The following NFATC1 variants were observed in gnomAD, a reference collection of about 807,000 sequenced individuals.
NFATC1 encodes nuclear factor of activated T cells 1.
Under a neutral mutation model 76.0 loss-of-function variants are expected in NFATC1, and 22 were observed. The observed-to-expected ratio is 0.29, with a 90% CI of 0.21 to 0.41. The LOEUF (loss-of-function observed/expected upper bound fraction) is 0.41, where lower values mean the gene tolerates loss of function less well. NFATC1 is among the 10% of genes least tolerant of loss of function. The pLI, the probability that NFATC1 is intolerant of heterozygous loss-of-function variation, is 1.00. For missense variants in NFATC1, 1,357 were observed against 1,337.7 expected (o/e 1.01, Z -0.23); for synonymous variants, 704 against 613.1 (o/e 1.15, Z -2.19).
chr18:79,473,037 C>T (rs905780377), intron 8 of NFATC1, among the ~76,000 whole-genome samples: 10 of 152,254 alleles, frequency 6.6e-5, no homozygotes, highest in Admixed American at 3.9e-4. Context: ...GGGGTCAAGC[C>T]GGGACCCCTA....
intron 9 of NFATC1, among the ~76,000 whole-genome samples, chr18:79,490,868 T>C (rs1002075927): frequency 2.6e-5 from 4 of 152,054 alleles, no homozygotes; most frequent in African/African-American, 9.7e-5. Flanking sequence ...CACCCCAGGC[T>C]CACAAACGCC....
At chr18:79,482,289 TC>T in intron 8 of NFATC1, among the ~76,000 whole-genome samples, 3 of 128,602 alleles carry the variant, frequency 2.3e-5, no homozygotes, top group African/African-American at 6.8e-5. Flanking sequence ...GTGACCTGGT[TC>T]CTGGGGTGTA....
chr18:79,491,754 G>T (rs895265927), intron 9 of NFATC1, among the ~76,000 whole-genome samples: 2 of 152,228 alleles, frequency 1.3e-5, no homozygotes, highest in African/African-American at 4.8e-5. Context: ...ACCAAGCAGT[G>T]GTGGATCGCA....
In NFATC1 at chr18:79,479,620, C is replaced by G. The variant is rs138122853; in HGVS notation, c.2093-6628C>G. ...GCTTGTGAAGGTGAGTTTGCACTTT[C>G]CAGCTTCTCTCTGTATTGGGAAGGC... On this transcript the variant is annotated intron_variant, in intron 8 of 9. Transcript: ENST00000427363. Among the ~76,000 whole-genome samples the G allele has an allele frequency of 4.5e-4, 69 of 152,372 alleles. 1 individual carries two copies. The East Asian group carries it at 0.013, about 28-fold the overall frequency.
chr18:79,471,669 C>T (rs1008686837), intron 8 of NFATC1, among the ~76,000 whole-genome samples: 2 of 152,194 alleles, frequency 1.3e-5, no homozygotes, highest in East Asian at 1.9e-4. Context: ...CCAGAGCCCC[C>T]TTCCTCAGGG....
chr18:79,499,168 A>G lies in NFATC1; in HGVS notation c.2782+12231A>G, dbSNP rs138819955. 3.2e-3 allele frequency among the ~76,000 whole-genome samples: 491 copies of G among 152,378 alleles called. 2 individuals are homozygous for G. Among genetic ancestry groups the G allele is most frequent in the Non-Finnish European group, 5.0e-3 (341 of 68,034 alleles). On this transcript the variant is annotated intron_variant, in intron 9 of 9. Transcript: ENST00000427363. ...CGATTGCAAACCTGTGCTGATAACA[A>G]TGTGCTTATAACAATTTGTGTGACA...
At chr18:79,406,861 C>A (rs919356398) in intron 1 of NFATC1, among the ~76,000 whole-genome samples, 3 of 151,968 alleles carry the variant, frequency 2.0e-5, no homozygotes, top group Non-Finnish European at 4.4e-5. Flanking sequence ...GCCACGGCTC[C>A]GCGGGTCTTC....
intron 1 of NFATC1, among the ~76,000 whole-genome samples, chr18:79,404,397 G>C (rs764831344): frequency 2.0e-5 from 3 of 152,260 alleles, no homozygotes; most frequent in Non-Finnish European, 4.4e-5. Context: ...GCCTGACCAC[G>C]TCCCGGTGCC....
At chr18:79,469,846 T>C (rs1022463542) in intron 8 of NFATC1, 1 of 985,340 alleles carries the variant, frequency 1.0e-6, no homozygotes, top group Non-Finnish European at 1.2e-6. Context: ...CCCGGCTCCC[T>C]GTCACCCCAC....
intron 3 of NFATC1, among the ~76,000 whole-genome samples, chr18:79,444,356 G>A (rs1015300047): frequency 8.5e-5 from 13 of 152,178 alleles, no homozygotes; most frequent in Non-Finnish European, 1.5e-4. Flanking sequence ...CGTTCCTCCC[G>A]TTCCTTCTCT....
At chr18:79,439,113 C>T (rs1206017879) in intron 3 of NFATC1, among the ~76,000 whole-genome samples, 3 of 152,158 alleles carry the variant, frequency 2.0e-5, no homozygotes, top group Admixed American at 6.5e-5. Flanking sequence ...CCGTGAATAC[C>T]GTGGACAGAT....
chr18:79,403,524 C>G (rs374549920), intron 1 of NFATC1, among the ~76,000 whole-genome samples: 34 of 152,358 alleles, frequency 2.2e-4, no homozygotes, highest in Non-Finnish European at 4.3e-4. Flanking sequence ...CCCTGCTTCC[C>G]GCCCCAGGGC....
chr18:79,523,223 C>T (rs909897321), intron 9 of NFATC1, among the ~76,000 whole-genome samples: 19 of 152,168 alleles, frequency 1.2e-4, no homozygotes, highest in African/African-American at 3.1e-4. Flanking sequence ...TTTCAGAAAC[C>T]GGGCATTCAG....
rs1246490128 is a variant in NFATC1 at position 79,448,562 on chromosome 18, C to T, written c.1387-220C>T. The T allele has an allele frequency of 5.1e-6, 3 of 586,558 alleles. No individual in the cohort carries two copies. The South Asian group carries it at 6.2e-5, about 12-fold the overall frequency. 36.3% of individuals were successfully genotyped at this position (586,558 alleles called of 1,614,324 possible). On this transcript the variant is annotated intron_variant, in intron 3 of 9. Coordinates refer to ENST00000427363, the MANE Select transcript of NFATC1 (RefSeq NM_001278669.2). The stretch of plus-strand genomic sequence containing the variant: ...AGTGTGGATGCATACGTGCAAGGCC[C>T]GTTTCAAAGCCTAAAACTCAGTGCC...
chr18:79,491,075 G>A (rs1013362161), intron 9 of NFATC1, among the ~76,000 whole-genome samples: 9 of 152,136 alleles, frequency 5.9e-5, no homozygotes, highest in Admixed American at 1.3e-4. Context: ...AATGCGAGGA[G>A]CCATCTTGAT....
chr18:79,423,052 T>A (rs552534205), intron 2 of NFATC1, among the ~76,000 whole-genome samples: 16 of 151,224 alleles, frequency 1.1e-4, no homozygotes, highest in African/African-American at 3.4e-4. Flanking sequence ...AGGGCCTGTG[T>A]CCAAAGCTGT....
chr18:79,442,477 G>A (rs535467170), intron 3 of NFATC1, among the ~76,000 whole-genome samples: 1 of 152,230 alleles, frequency 6.6e-6, no homozygotes, highest in Admixed American at 6.5e-5. Context: ...CTGGGCTTCC[G>A]GTTTGAATGA....
intron 1 of NFATC1, among the ~76,000 whole-genome samples, chr18:79,401,187 C>G (rs931006531): frequency 7.3e-5 from 11 of 151,506 alleles, no homozygotes; most frequent in Non-Finnish European, 1.2e-4. Flanking sequence ...GGGATCTCTT[C>G]TGTCCAGGTC....
chr18:79,475,828 C>G (rs1299851634), intron 8 of NFATC1, among the ~76,000 whole-genome samples: 1 of 152,224 alleles, frequency 6.6e-6, no homozygotes, highest in African/African-American at 2.4e-5. Context: ...ACCCGACGCT[C>G]AGGCCGTGCG....
Sources: gnomAD v4.1 joint callset for allele counts (sites outside exome capture counted in the v4.1 genomes callset) on GRCh38, gnomAD v4.1.1 for gene constraint, MANE v1.5 for transcripts, NCBI Gene and HGNC (gene_info 2026-07-23, HGNC 2026-07-21) for gene names.